GAS2: variants seen among roughly 807,000 people sequenced by gnomAD.
GAS2 encodes the protein growth arrest-specific protein 2.
A neutral mutation model predicts 37.5 loss-of-function variants in GAS2; 20 were observed. The ratio of observed to expected loss-of-function variants is 0.53; its 90% CI spans 0.37 to 0.77. GAS2 has a LOEUF of 0.77. GAS2 is among the 30% of genes least tolerant of loss of function. The pLI is 0.00. For missense variants in GAS2, 336 were observed against 373.4 expected (o/e 0.90, Z 0.82); for synonymous variants, 144 against 132.2 (o/e 1.09, Z -0.61).
intron 5 of GAS2, among the ~76,000 whole-genome samples, chr11:22,745,485 G>A (rs112650214): frequency 2.4e-4 from 37 of 152,142 alleles, no homozygotes; most frequent in East Asian, 1.5e-3. Context: ...AGATTTAAAC[G>A]TAAGACTTCA....
intron 1 of GAS2, chr11:22,672,677 C>T (rs1849251794): frequency 6.6e-6 from 1 of 152,074 alleles, no homozygotes; most frequent in African/African-American, 2.4e-5. Context: ...AGAGGTAACC[C>T]TTTTAAGATT....
chr11:22,735,976 T>A (rs1852732872), intron 4 of GAS2, among the ~76,000 whole-genome samples: 1 of 146,246 alleles, frequency 6.8e-6, no homozygotes, highest in South Asian at 2.2e-4. Flanking sequence ...TCAAAACTCC[T>A]TTTTGTTATT....
At chr11:22,653,612 A>G (rs1848822710) in intron 1 of GAS2, among the ~76,000 whole-genome samples, 1 of 152,232 alleles carries the variant, frequency 6.6e-6, no homozygotes, top group Non-Finnish European at 1.5e-5. Flanking sequence ...CCTGTACTAT[A>G]GGCTATACTC....
At chr11:22,793,122 AAGTT>A (rs1201530712) in intron 7 of GAS2, among the ~76,000 whole-genome samples, 2 of 151,868 alleles carry the variant, frequency 1.3e-5, no homozygotes, top group South Asian at 2.1e-4. Flanking sequence ...AAAAATATAA[AAGTT>A]AGTCAGGTGT....
intron 3 of GAS2, among the ~76,000 whole-genome samples, chr11:22,692,403 G>GT (rs1850290166): frequency 1.3e-5 from 2 of 152,280 alleles, no homozygotes; most frequent in South Asian, 4.1e-4. Context: ...GCCCAAGGTG[G>GT]TAGGGGCACA....
chr11:22,704,726 C>G lies in GAS2; in HGVS notation c.267+18937C>G, dbSNP rs533994495. Among the ~76,000 whole-genome samples, 12 of 150,378 alleles carry G rather than the reference C, an allele frequency of 8.0e-5. 1 individual carries two copies. In the South Asian group the frequency reaches 2.5e-3, roughly 32 times the overall value. On this transcript the variant is annotated intron_variant, in intron 3 of 7. Transcript: ENST00000454584. ...GGAATATTCTAATAAACAAACAAAA[C>G]TCAGAATAAATGGATTTTTACAGAA...
At chr11:22,715,331 C>T (rs375660848) in intron 3 of GAS2, among the ~76,000 whole-genome samples, 32 of 151,324 alleles carry the variant, frequency 2.1e-4, no homozygotes, top group African/African-American at 7.3e-4. Flanking sequence ...TGTGGTGGCA[C>T]GTGCCTGTAG....
At chr11:22,718,815 G>C (rs1357697600) in intron 3 of GAS2, among the ~76,000 whole-genome samples, 1 of 152,032 alleles carries the variant, frequency 6.6e-6, no homozygotes, top group Non-Finnish European at 1.5e-5. Flanking sequence ...ATTAATCTCA[G>C]TCTGTTCATA....
chr11:22,750,262 C>T (rs1323050881), intron 6 of GAS2, among the ~76,000 whole-genome samples: 1 of 151,982 alleles, frequency 6.6e-6, no homozygotes, highest in Non-Finnish European at 1.5e-5. Context: ...GTTTCTTCCT[C>T]CAGGATATGA....
chr11:22,809,495 CATT>C (rs1857040265), intron 7 of GAS2, among the ~76,000 whole-genome samples: 2 of 151,390 alleles, frequency 1.3e-5, no homozygotes, highest in East Asian at 1.9e-4. Flanking sequence ...TTATTATTAT[CATT>C]ATTATTTGAG....
intron 7 of GAS2, among the ~76,000 whole-genome samples, chr11:22,764,843 A>G (rs1198560868): frequency 5.3e-5 from 8 of 152,228 alleles, no homozygotes; most frequent in East Asian, 1.9e-4. Flanking sequence ...AGATTTTTCA[A>G]TAGTGTCTAC....
chr11:22,739,231 A>G (rs1852919476), intron 5 of GAS2, among the ~76,000 whole-genome samples: 2 of 152,284 alleles, frequency 1.3e-5, no homozygotes, highest in Non-Finnish European at 2.9e-5. Context: ...CTGGAAGACA[A>G]ATGGCCTTAA....
At chr11:22,799,124 G>A (rs1182927397) in intron 7 of GAS2, among the ~76,000 whole-genome samples, 5 of 152,046 alleles carry the variant, frequency 3.3e-5, no homozygotes, top group African/African-American at 4.8e-5. Flanking sequence ...ATTTAGGTGG[G>A]TTGTCTCTAC....
In GAS2 at chr11:22,637,008, ATAT is replaced by A. The variant is rs941549451; in HGVS notation, c.-21+11202_-21+11204del. 2.5e-4 allele frequency among the ~76,000 whole-genome samples: 34 copies of A among 137,388 alleles called. No individual in the cohort carries two copies. In the South Asian group the frequency reaches 2.9e-3, roughly 12 times the overall value. 90.1% of individuals were successfully genotyped at this position (137,388 alleles called of 152,430 possible). A position where few individuals can be genotyped will look rare whatever the true frequency, so the allele number is the denominator to read the frequency against. On this transcript the variant is annotated intron_variant, in intron 1 of 5. Coordinates refer to the GAS2 transcript ENST00000528582. ...ACATTTAACTATAATATAAATATTT[ATAT>A]TATTATATATTATATATTCTGGTTA...
At chr11:22,671,288 A>G (rs186667361) in intron 1 of GAS2, among the ~76,000 whole-genome samples, 2 of 152,044 alleles carry the variant, frequency 1.3e-5, no homozygotes, top group African/African-American at 4.8e-5. Flanking sequence ...TTGAAGTTTT[A>G]TTTTTCTGGA....
intron 1 of GAS2, among the ~76,000 whole-genome samples, chr11:22,638,883 A>G (rs1227563613): frequency 6.6e-6 from 1 of 151,992 alleles, no homozygotes; most frequent in Non-Finnish European, 1.5e-5. Context: ...CCAGAAATCT[A>G]CTTTTTGGGA....
rs748596046 is a variant in GAS2 at position 22,674,843 on chromosome 11, A to C, written c.-20-7A>C. On this transcript the variant is annotated splice_polypyrimidine_tract_variant and splice_region_variant and intron_variant, in intron 1 of 7. Coordinates refer to ENST00000454584, the MANE Select transcript of GAS2 (RefSeq NM_001143830.3). ...AAAAAGCAATTGCTCTTTTGTTTCCAAAACAGGTATTACAAGTGGATAAAT... is the reference window on the plus strand; with the variant it reads ...AAAAAGCAATTGCTCTTTTGTTTCCCAAACAGGTATTACAAGTGGATAAAT... The C allele has an allele frequency of 6.4e-7, 1 of 1,552,434 alleles. No individual in the cohort carries two copies. Among genetic ancestry groups the C allele is most frequent in the East Asian group, 2.3e-5 (1 of 43,334 alleles).
intron 1 of GAS2, among the ~76,000 whole-genome samples, chr11:22,669,461 T>C (rs916837847): frequency 6.6e-6 from 1 of 152,144 alleles, no homozygotes; most frequent in Non-Finnish European, 1.5e-5. Context: ...TAAATCATGA[T>C]TTGAGAAGAA....
In GAS2 at chr11:22,747,696, C is replaced by T. The variant is rs78856717; in HGVS notation, c.474-1424C>T. On this transcript the variant is annotated intron_variant, in intron 5 of 7. Coordinates refer to ENST00000454584, the MANE Select transcript of GAS2 (RefSeq NM_001143830.3). ...GGCCAACTAACTATCTAGTCACAAG[C>T]AAAGTGGGGGGTCCATGTGGAGGGC... Among the ~76,000 whole-genome samples, 1,019 of 152,130 alleles carry T rather than the reference C, an allele frequency of 6.7e-3. 9 individuals carry two copies. Among genetic ancestry groups the T allele is most frequent in the African/African-American group, 0.023 (968 of 41,508 alleles).
Sources: allele counts gnomAD v4.1 joint callset (sites outside exome capture counted in the v4.1 genomes callset), GRCh38; gene constraint gnomAD v4.1.1; transcripts MANE v1.5; gene names NCBI Gene and HGNC (gene_info 2026-07-23, HGNC 2026-07-21).